TECPR2: variants seen among roughly 807,000 people sequenced by gnomAD.
TECPR2 encodes tectonin beta-propeller repeat-containing protein 2.
In TECPR2, 65 loss-of-function variants were observed where a neutral mutation model predicts 138.1. The observed-to-expected ratio is 0.47, with a 90% CI of 0.39 to 0.58. The LOEUF (loss-of-function observed/expected upper bound fraction) is 0.58. TECPR2 is among the 20% of genes least tolerant of loss of function. The pLI, the probability that TECPR2 is intolerant of heterozygous loss-of-function variation, is 0.00. For synonymous variants in TECPR2, 746 were observed against 749.8 expected (o/e 0.99, Z 0.08); for missense variants, 1,553 against 1,824.5 (o/e 0.85, Z 2.71).
chr14:102,419,219 G>A lies in TECPR2; in HGVS notation c.638+4426G>A, dbSNP rs1889110348. ...AGCAGCTGCTGCGAGACCGGGGGCT[G>A]AGGCAGCTTCGACGGGCCTGAGTCT... On this transcript the variant is annotated intron_variant, in intron 5 of 19. Transcript: ENST00000359520. This position sits in a 1 kb window ranked among gnomAD's most constrained non-coding sequence, Gnocchi z 4.8. Among the ~76,000 whole-genome samples, 1 of 152,130 alleles carries A rather than the reference G, an allele frequency of 6.6e-6. No homozygotes were observed. Among genetic ancestry groups the A allele is most frequent in the South Asian group, 2.1e-4 (1 of 4,828 alleles).
At chr14:102,475,489 C>T (rs1432720360) in intron 17 of TECPR2, among the ~76,000 whole-genome samples, 1 of 152,120 alleles carries the variant, frequency 6.6e-6, no homozygotes, top group East Asian at 1.9e-4. Flanking sequence ...AGATCACATG[C>T]ACCCATAAGT....
chr14:102,464,776 G>A (rs139270388), intron 16 of TECPR2, among the ~76,000 whole-genome samples: 1,660 of 152,260 alleles, frequency 0.011, 19 homozygotes, highest in Non-Finnish European at 0.015. Flanking sequence ...CATGTCTGAG[G>A]AAGCTGACGA....
At chr14:102,431,467 C>T (rs1436443667) in intron 7 of TECPR2, among the ~76,000 whole-genome samples, 2 of 151,928 alleles carry the variant, frequency 1.3e-5, no homozygotes, top group South Asian at 2.1e-4. Flanking sequence ...CTCAGCCTCC[C>T]AAGTAGCTGG....
intron 2 of TECPR2, among the ~76,000 whole-genome samples, chr14:102,404,524 A>G (rs1385178082): frequency 6.6e-6 from 1 of 152,136 alleles, no homozygotes; most frequent in Non-Finnish European, 1.5e-5. Context: ...AAATAGACAT[A>G]GAGACCGATG....
intron 2 of TECPR2, among the ~76,000 whole-genome samples, chr14:102,401,164 C>T (rs539877188): frequency 8.5e-5 from 13 of 152,158 alleles, no homozygotes; most frequent in South Asian, 4.1e-4. Context: ...CTGGGCTGGA[C>T]GCAGTGGCTC....
intron 1 of TECPR2, among the ~76,000 whole-genome samples, chr14:102,365,689 A>T (rs1183085368): frequency 6.6e-6 from 1 of 152,214 alleles, no homozygotes. Flanking sequence ...GACAGAGAGG[A>T]GATCAGTGGT....
At chr14:102,377,074 T>G in intron 2 of TECPR2, 134 bp downstream of exon 2, 1 of 906,684 alleles carries the variant, frequency 1.1e-6, no homozygotes, top group Non-Finnish European at 1.6e-6. Flanking sequence ...AAACAATACT[T>G]TAAAACCATC....
intron 3 of TECPR2, 107 bp downstream of exon 3, chr14:102,407,573 C>T (rs1355152035): frequency 1.5e-5 from 21 of 1,408,946 alleles, no homozygotes; most frequent in East Asian, 2.6e-5. Context: ...CAGAGAAAGC[C>T]GGGCACGACT....
chr14:102,370,365 C>A (rs78465373), intron 1 of TECPR2, among the ~76,000 whole-genome samples: 1,918 of 152,224 alleles, frequency 0.013, 44 homozygotes, highest in African/African-American at 0.043. Context: ...ACCACCACAC[C>A]CGGCCGGTAA....
chr14:102,474,090 T>A (rs1890702952), intron 17 of TECPR2, among the ~76,000 whole-genome samples: 1 of 152,088 alleles, frequency 6.6e-6, no homozygotes, highest in Non-Finnish European at 1.5e-5. Flanking sequence ...AGACCCCGTC[T>A]CTACAGGTAA....
rs182655288 is a variant in TECPR2 at position 102,435,067 on chromosome 14, G to A, written c.2250G>A (p.Thr750=). 35 of 1,613,992 alleles carry A rather than the reference G, an allele frequency of 2.2e-5. No individual in the cohort carries two copies. In the Admixed American group the frequency reaches 3.2e-4, roughly 15 times the overall value. Residue 750 remains threonine, a synonymous_variant, in exon 9 of 20, where the codon ACG becomes ACA. Transcript: ENST00000359520. ...LEQPPRDQTL[T]SSDEEDIYAH... is the part of the protein sequence containing the mutation. ...AGCCTCCACGGGATCAGACATTGAC[G>A]TCCAGCGATGAGGAGGACATCTATG...
chr14:102,414,639 C>T lies in TECPR2; in HGVS notation c.484C>T (p.Leu162Phe), dbSNP rs149197412. The change falls in exon 5 of 20, where the codon CTC (leucine) becomes TTC (phenylalanine). Residue 162 changes from leucine (L) to phenylalanine (F), a missense_variant. Leu to Phe is a conservative substitution (Grantham distance 22). Transcript: ENST00000359520. ...GTAACCAGACTTTCTCTGCCAGGGG[C>T]TCTGTAACTCCCAGCTGGTGTTGGA... Reference protein sequence around the residue: ...VYSSLDLDQGLCNSQLVLEEP... With the variant: ...VYSSLDLDQGFCNSQLVLEEP... 1 of 1,614,094 alleles carries T rather than the reference C, an allele frequency of 6.2e-7. No individual in the cohort carries two copies. The highest frequency in any genetic ancestry group is 2.2e-5 in the East Asian group (1 of 44,888).
In TECPR2 at chr14:102,472,355, G is replaced by A. The variant is rs1478253622; in HGVS notation, c.3789+7066G>A. ...CTCTAGGAAGCAAAGCTAAAATGGG[G>A]AAGAGAGCTTTGCTTAAAGTGCTCT... On this transcript the variant is annotated intron_variant, in intron 17 of 19. Coordinates refer to ENST00000359520, the MANE Select transcript of TECPR2 (RefSeq NM_014844.5). Among the ~76,000 whole-genome samples, 5 of 152,228 alleles carry A rather than the reference G, an allele frequency of 3.3e-5. 1 individual carries two copies. The highest frequency in any genetic ancestry group is 7.3e-5 in the Non-Finnish European group (5 of 68,030).
At chr14:102,441,689 T>TCAAAA (rs949153118) in intron 11 of TECPR2, among the ~76,000 whole-genome samples, 3 of 151,952 alleles carry the variant, frequency 2.0e-5, no homozygotes, top group Admixed American at 1.3e-4. Flanking sequence ...AGACTCCGTC[T>TCAAAA]CAAAACAAAA....
At chr14:102,438,299 C>A in intron 10 of TECPR2, 94 bp downstream of exon 10, 2 of 1,425,330 alleles carry the variant, frequency 1.4e-6, no homozygotes, top group East Asian at 2.5e-5. Context: ...ACAGGGCTCC[C>A]CTGCAGCAGC....
At chr14:102,476,381 ACAAC>A (rs1567357743) in intron 17 of TECPR2, among the ~76,000 whole-genome samples, 2 of 149,060 alleles carry the variant, frequency 1.3e-5, no homozygotes. Context: ...AAAAAAAAAA[ACAAC>A]AAAACAAAAA....
intron 6 of TECPR2, among the ~76,000 whole-genome samples, chr14:102,426,079 G>T (rs1466382001): frequency 2.6e-5 from 4 of 151,672 alleles, no homozygotes; most frequent in Admixed American, 6.6e-5. Context: ...TAGAGACAGG[G>T]TTTCACCATG....
chr14:102,464,061 G>T (rs1890486373), intron 16 of TECPR2, among the ~76,000 whole-genome samples: 1 of 152,242 alleles, frequency 6.6e-6, no homozygotes, highest in African/African-American at 2.4e-5. Context: ...CCAAACCTTA[G>T]ATCCTCCTTT....
At chr14:102,468,303 TCA>T (rs1210859473) in intron 17 of TECPR2, among the ~76,000 whole-genome samples, 2 of 152,308 alleles carry the variant, frequency 1.3e-5, no homozygotes, top group Admixed American at 1.3e-4. Context: ...TTCTACTGCC[TCA>T]GTCTCCTGAG....
Sources: gnomAD v4.1 joint callset for allele counts (sites outside exome capture counted in the v4.1 genomes callset) on GRCh38, gnomAD v4.1.1 for gene constraint, Gnocchi (gnomAD v3.1) non-coding constraint, MANE v1.5 for transcripts, NCBI Gene and HGNC (gene_info 2026-07-23, HGNC 2026-07-21) for gene names.